ANK2: variants seen among roughly 807,000 people sequenced by gnomAD.
ANK2 encodes the protein ankyrin 2.
Under a neutral mutation model 360.5 loss-of-function variants are expected in ANK2, and 83 were observed. That is an observed-to-expected ratio of 0.23 (90% CI 0.19 to 0.28). The LOEUF (loss-of-function observed/expected upper bound fraction) is 0.28, where lower values mean the gene tolerates loss of function less well. ANK2 is among the 10% of genes least tolerant of loss of function. The probability of loss-of-function intolerance (pLI) is 1.00; values close to 1 mark genes in which losing one functional copy is unlikely to be tolerated. For synonymous variants in ANK2, 1,740 were observed against 1,759.5 expected, an observed-to-expected ratio of 0.99 and a Z score of 0.28; for missense variants, 4,201 against 4,795.7, an observed-to-expected ratio of 0.88 and a Z score of 3.66.
intron 2 of ANK2, among the ~76,000 whole-genome samples, chr4:112,974,897 G>A (rs1561364996): frequency 6.6e-6 from 1 of 151,310 alleles, no homozygotes; most frequent in Non-Finnish European, 1.5e-5. Context: ...CTTGAAAGTA[G>A]GAAAGAAGGA....
chr4:113,362,276 T>C (rs989164014), intron 39 of ANK2, among the ~76,000 whole-genome samples: 90 of 152,276 alleles, frequency 5.9e-4, no homozygotes, highest in African/African-American at 2.1e-3. Context: ...ATAGGGCATA[T>C]TCTTAGAAGT....
chr4:112,978,178 AG>A (rs1582397103), intron 2 of ANK2, among the ~76,000 whole-genome samples: 1 of 151,954 alleles, frequency 6.6e-6, no homozygotes, highest in East Asian at 1.9e-4. Flanking sequence ...TGGGAGGCAG[AG>A]GTTGCAGTGA....
rs974390409 is a variant in ANK2 at position 113,326,688 on chromosome 4, C to T, written c.2901-3558C>T. Among the ~76,000 whole-genome samples, 5 of 152,066 alleles carry T rather than the reference C, an allele frequency of 3.3e-5. No individual in the cohort carries two copies. The South Asian group carries it at 6.2e-4, about 19-fold the overall frequency. On this transcript the variant is annotated intron_variant, in intron 26 of 45. Transcript: ENST00000357077. ...TTCCTTTAGTTACTTGATAAAAACA[C>T]GAAGGCTTGTTTTCTTTAAAAATTT... is the stretch of plus-strand genomic sequence containing the variant.
At chr4:113,162,671 C>T (rs1286894341) in intron 1 of ANK2, among the ~76,000 whole-genome samples, 1 of 150,860 alleles carries the variant, frequency 6.6e-6, no homozygotes. Context: ...ACTGCCTCTA[C>T]ATGGATCTCC....
chr4:112,930,265 T>A (rs1428747623), intron 2 of ANK2, among the ~76,000 whole-genome samples: 1 of 151,862 alleles, frequency 6.6e-6, no homozygotes, highest in Non-Finnish European at 1.5e-5. Flanking sequence ...GGCAACATGG[T>A]GAGACCCAGT....
At chr4:112,802,404 G>A in the ANK2 span, among the ~76,000 whole-genome samples, 3 of 152,046 alleles carry the variant, frequency 2.0e-5, no homozygotes. Context: ...ACCGGCTGAG[G>A]GTGCACTGTT....
At chr4:112,983,978 T>C (rs949332585) in intron 2 of ANK2, among the ~76,000 whole-genome samples, 1 of 152,234 alleles carries the variant, frequency 6.6e-6, no homozygotes, top group Non-Finnish European at 1.5e-5. Flanking sequence ...AATTTATCTG[T>C]ATTTTCATCA....
intron 1 of ANK2, among the ~76,000 whole-genome samples, chr4:112,892,979 A>T (rs1174824043): frequency 6.6e-6 from 1 of 152,146 alleles, no homozygotes; most frequent in Non-Finnish European, 1.5e-5. Context: ...TAAGTCTTTT[A>T]TATCCCCCAA....
chr4:112,802,756 A>G, the ANK2 span, among the ~76,000 whole-genome samples: 1 of 152,348 alleles, frequency 6.6e-6, no homozygotes, highest in South Asian at 2.1e-4. Flanking sequence ...TATAGACAAC[A>G]TAGGAGTTAA....
chr4:112,708,764 A>G, the ANK2 span, among the ~76,000 whole-genome samples: 1 of 152,162 alleles, frequency 6.6e-6, no homozygotes, highest in African/African-American at 2.4e-5. Flanking sequence ...CTCCTCTAAT[A>G]ATGAGCCTAA....
Position 113,374,880 on chromosome 4 carries a change from G to A in ANK2, c.11859+1431G>A, listed in dbSNP as rs1373476511. On this transcript the variant is annotated intron_variant, in intron 45 of 45. Transcript: ENST00000357077. ...CAACTGTGGTACTTGGAGAGAGGAT[G>A]GAGAAACATCTGGGGGATTCTAGTT... 6.3e-6 allele frequency: 8 copies of A among 1,268,684 alleles called. No homozygotes were observed. In the Admixed American group the frequency reaches 1.9e-4, roughly 30 times the overall value. 78.6% of individuals were successfully genotyped at this position (1,268,684 alleles called of 1,614,324 possible). A position where few individuals can be genotyped will look rare whatever the true frequency, so the allele number is the denominator to read the frequency against.
At chr4:112,765,242 G>T in the ANK2 span, among the ~76,000 whole-genome samples, 2 of 152,100 alleles carry the variant, frequency 1.3e-5, no homozygotes, top group African/African-American at 4.8e-5. Flanking sequence ...TTAAACATCC[G>T]CAATTGTCCC....
At chr4:112,774,164 CA>C in the ANK2 span, among the ~76,000 whole-genome samples, 799 of 151,710 alleles carry the variant, frequency 5.3e-3, 3 homozygotes, top group African/African-American at 0.018. Flanking sequence ...GTGTAAGAGA[CA>C]AAAATGAATT....
the ANK2 span, chr4:112,787,954 T>G: frequency 1.6e-6 from 1 of 623,650 alleles, no homozygotes; most frequent in East Asian, 2.8e-5. Context: ...GTATGATCAT[T>G]ATATGATCAT....
At chr4:113,181,880 G>C (rs77289566) in intron 2 of ANK2, among the ~76,000 whole-genome samples, 3,162 of 152,232 alleles carry the variant, frequency 0.021, 108 homozygotes, top group African/African-American at 0.071. Context: ...AGGCCTTGTG[G>C]GCTATTTTAA....
Position 112,850,445 on chromosome 4 carries a change from CTTT to C in ANK2, c.-40+32197_-40+32199del, listed in dbSNP as rs548963656. On this transcript the variant is annotated intron_variant, in intron 1 of 30. Transcript: ENST00000503271. ...AGGGTTTAAGAGTTGTTGTTCGTTTCTTTTTTTTTTTTTTTTTTCATAGTGCCT... is the reference window on the plus strand; with the variant it reads ...AGGGTTTAAGAGTTGTTGTTCGTTTCTTTTTTTTTTTTTTTCATAGTGCCT... Among the ~76,000 whole-genome samples the C allele has an allele frequency of 7.3e-3, 545 of 74,252 alleles. 14 individuals carry two copies. Among genetic ancestry groups the C allele is most frequent in the Non-Finnish European group, 0.01 (414 of 39,734 alleles). The allele number at this position is 74,252 out of a possible 152,430, so 48.7% of individuals were successfully genotyped here. A position where few individuals can be genotyped will look rare whatever the true frequency, so the allele number is the denominator to read the frequency against.
chr4:113,299,418 A>G (rs912140008), intron 22 of ANK2, among the ~76,000 whole-genome samples: 3 of 152,198 alleles, frequency 2.0e-5, no homozygotes, highest in African/African-American at 7.2e-5. Context: ...AAAAAGTTGA[A>G]TAAAGGTCAG....
the ANK2 span, among the ~76,000 whole-genome samples, chr4:112,713,433 G>A: frequency 6.6e-6 from 1 of 152,214 alleles, no homozygotes. Flanking sequence ...GCTGGGCGTG[G>A]TGGCGCATGC....
chr4:113,221,583 C>T lies in ANK2; in HGVS notation c.385-10578C>T, dbSNP rs576101658. ...CTGAGGCAGGAGAATCGCTTGAACCCGGGAGGCGGAGGTTCCAGTGAGCCG... is the reference window on the plus strand; with the variant it reads ...CTGAGGCAGGAGAATCGCTTGAACCTGGGAGGCGGAGGTTCCAGTGAGCCG... On this transcript the variant is annotated intron_variant, in intron 4 of 45. Transcript: ENST00000357077. 1.7e-4 allele frequency among the ~76,000 whole-genome samples: 25 copies of T among 151,458 alleles called. No homozygotes were observed. The South Asian group carries it at 4.2e-3, about 25-fold the overall frequency.
Sources: allele counts gnomAD v4.1 joint callset (sites outside exome capture counted in the v4.1 genomes callset), GRCh38; gene constraint gnomAD v4.1.1; transcripts MANE v1.5; gene names NCBI Gene and HGNC (gene_info 2026-07-23, HGNC 2026-07-21).